The following RNF144B variants were observed in gnomAD, a reference collection of about 807,000 sequenced individuals.
RNF144B encodes the protein ring finger protein 144B.
In RNF144B, 25 loss-of-function variants were observed where a neutral mutation model predicts 40.2. That is an observed-to-expected ratio of 0.62 (90% confidence interval 0.45 to 0.87). The LOEUF (loss-of-function observed/expected upper bound fraction) is 0.87, where lower values mean the gene tolerates loss of function less well. Among genes scored for constraint, RNF144B ranks in the 40% least tolerant of loss-of-function variants. The pLI is 0.00. For synonymous variants in RNF144B, 145 were observed against 136.3 expected (o/e 1.06, Z -0.44); for missense variants, 365 against 373.7 (o/e 0.98, Z 0.19).
At chr6:18,396,329 T>C (rs1562039016) in intron 1 of RNF144B, 2 of 880,140 alleles carry the variant, frequency 2.3e-6, no homozygotes, top group Non-Finnish European at 2.7e-6. Context: ...TTCAAGAGTA[T>C]CCAATTAATT....
rs1231883106 is a variant in RNF144B, at chr6:18,395,086, C to T, written c.-36-4413C>T. Among the ~76,000 whole-genome samples the T allele has an allele frequency of 6.6e-6, 1 of 152,236 alleles. No individual in the cohort carries two copies. The highest frequency in any genetic ancestry group is 2.4e-5 in the African/African-American group (1 of 41,460). ...AATTCTTTTCACAAGGGGTTCTTGA[C>T]ACTCGGTGAGAGGCACAGTCACATC... is the stretch of plus-strand genomic sequence containing the variant. On this transcript the variant is annotated intron_variant, in intron 1 of 7. Transcript: ENST00000259939. This position sits in a 1 kb window ranked among gnomAD's most constrained non-coding sequence, Gnocchi z 4.5.
rs1312266016 is a variant in RNF144B, at chr6:18,444,982, T to C, written c.331+5238T>C. Among the ~76,000 whole-genome samples, 1 of 152,196 alleles carries C rather than the reference T, an allele frequency of 6.6e-6. No individual in the cohort carries two copies. The highest frequency in any genetic ancestry group is 1.9e-4 in the East Asian group (1 of 5,194). ...TTTGTATCTGATCATAAAGGTTTTATTCCATCAGAGCTCCCTATGTAGTTA... is the reference window on the plus strand; with the variant it reads ...TTTGTATCTGATCATAAAGGTTTTACTCCATCAGAGCTCCCTATGTAGTTA... On this transcript the variant is annotated intron_variant, in intron 4 of 7. Coordinates refer to ENST00000259939, the MANE Select transcript of RNF144B (RefSeq NM_182757.4). The surrounding 1 kb of genome is among the most constrained non-coding windows in gnomAD (Gnocchi z 4.3).
chr6:18,457,393 A>C lies in RNF144B; in HGVS notation c.536+34A>C, dbSNP rs773790530. On this transcript the variant is annotated intron_variant, in intron 5 of 7. Transcript: ENST00000259939. This position sits in a 1 kb window ranked among gnomAD's most constrained non-coding sequence, Gnocchi z 5.1. ...GGAAACTTTGTCTTTGGGATTATTC[A>C]CTAGTTTTCTTAGAAATTCAACATA... 6.6e-7 allele frequency: 1 copy of C among 1,521,128 alleles called. No individual in the cohort carries two copies. The highest frequency in any genetic ancestry group is 1.7e-5 in the Admixed American group (1 of 59,828). 94.2% of individuals were successfully genotyped at this position (1,521,128 alleles called of 1,614,324 possible).
In RNF144B at chr6:18,405,609, A is replaced by G. The variant is rs1020716922; in HGVS notation, c.165+5910A>G. ...CATTAAGAGATTTAATGACAATACT[A>G]TGGTGACTTTTGTATTTATTGGTCA... On this transcript the variant is annotated intron_variant, in intron 2 of 7. Coordinates refer to ENST00000259939, the MANE Select transcript of RNF144B (RefSeq NM_182757.4). This position sits in a 1 kb window ranked among gnomAD's most constrained non-coding sequence, Gnocchi z 4.5. Among the ~76,000 whole-genome samples the G allele has an allele frequency of 2.6e-5, 4 of 152,320 alleles. No homozygotes were observed. The highest frequency in any genetic ancestry group is 6.5e-5 in the Admixed American group (1 of 15,298).
chr6:18,397,140 A>G (rs1212363000), intron 1 of RNF144B, among the ~76,000 whole-genome samples: 2 of 152,340 alleles, frequency 1.3e-5, no homozygotes, highest in East Asian at 1.9e-4. Context: ...GTAATCGTTG[A>G]CTTTCTGGTA....
Position 18,400,312 on chromosome 6 carries a change from C to G in RNF144B, c.165+613C>G, listed in dbSNP as rs6922795. 0.41 allele frequency among the ~76,000 whole-genome samples: 62,029 copies of G among 151,596 alleles called. 12,865 individuals are homozygous for G. The highest frequency in any genetic ancestry group is 0.52 in the South Asian group (2,489 of 4,802). The stretch of plus-strand genomic sequence containing the variant: ...AAATTTAACATGCTGTAGTTAACTA[C>G]CACCTATAAGAAACTCACCAGGTAT... On this transcript the variant is annotated intron_variant, in intron 2 of 7. Transcript: ENST00000259939. This position sits in a 1 kb window ranked among gnomAD's most constrained non-coding sequence, Gnocchi z 5.6.
chr6:18,399,026 A>G (rs927871699), intron 1 of RNF144B, among the ~76,000 whole-genome samples: 1 of 152,220 alleles, frequency 6.6e-6, no homozygotes, highest in Non-Finnish European at 1.5e-5. Flanking sequence ...CTCTATGTAT[A>G]TAAATGCTTA....
intron 4 of RNF144B, among the ~76,000 whole-genome samples, chr6:18,454,422 A>T (rs903453755): frequency 2.0e-5 from 3 of 152,220 alleles, no homozygotes; most frequent in Non-Finnish European, 4.4e-5. Context: ...TCCTTTTTGG[A>T]TAGAGTCAAA....
chr6:18,462,763 T>C (rs1487982203), intron 6 of RNF144B, among the ~76,000 whole-genome samples: 2 of 152,142 alleles, frequency 1.3e-5, no homozygotes, highest in African/African-American at 4.8e-5. Context: ...TCCAAACTTA[T>C]CTTCCCAACA....
At position 18,434,371 on chromosome 6, in the gene RNF144B, G is replaced by GGTAA. The variant is rs1396994481; in HGVS notation, c.271-5311_271-5308dup. The stretch of plus-strand genomic sequence containing the variant: ...TTTGCTTTGTTTTTTTCTGAGAGGG[G>GGTAA]GTAAGGTCAGTGTTAGTGTAGATGG... On this transcript the variant is annotated intron_variant, in intron 3 of 7. Coordinates refer to ENST00000259939, the MANE Select transcript of RNF144B (RefSeq NM_182757.4). This position sits in a 1 kb window ranked among gnomAD's most constrained non-coding sequence, Gnocchi z 4.1. Among the ~76,000 whole-genome samples, 1 of 152,052 alleles carries GGTAA rather than the reference G, an allele frequency of 6.6e-6. No homozygotes were observed. Among genetic ancestry groups the GGTAA allele is most frequent in the Non-Finnish European group, 1.5e-5 (1 of 68,036 alleles).
In RNF144B at chr6:18,418,514, G is replaced by C. The variant is rs1019679070; in HGVS notation, c.166-9067G>C. Among the ~76,000 whole-genome samples the C allele has an allele frequency of 6.6e-6, 1 of 152,138 alleles. No individual in the cohort carries two copies. The highest frequency in any genetic ancestry group is 2.4e-5 in the African/African-American group (1 of 41,450). ...CCATTTATATGAAATGTAGAGAGTA[G>C]GAAGATCTATACATACAGAAAGTCA... On this transcript the variant is annotated intron_variant, in intron 2 of 7. Transcript: ENST00000259939. This position sits in a 1 kb window ranked among gnomAD's most constrained non-coding sequence, Gnocchi z 5.2.
At chr6:18,463,225 G>A (rs949248043) in intron 6 of RNF144B, 66 bp from the exon 7 acceptor site, 2 of 1,024,066 alleles carry the variant, frequency 2.0e-6, no homozygotes, top group African/African-American at 3.1e-5. Flanking sequence ...GTGATCTGAT[G>A]TGGTCTGTAT....
chr6:18,444,392 A>G lies in RNF144B; in HGVS notation c.331+4648A>G, dbSNP rs1302831277. 1.3e-5 allele frequency among the ~76,000 whole-genome samples: 2 copies of G among 152,182 alleles called. No individual in the cohort carries two copies. Among genetic ancestry groups the G allele is most frequent in the African/African-American group, 2.4e-5 (1 of 41,456 alleles). On this transcript the variant is annotated intron_variant, in intron 4 of 7. Transcript: ENST00000259939. The surrounding 1 kb of genome is among the most constrained non-coding windows in gnomAD (Gnocchi z 4.3). ...ACTGCTTTACTTTCCAGTGGTTCTC[A>G]AAGTACATGCCCGATGATTAATGCA...
At position 18,462,662 on chromosome 6, in the gene RNF144B, G is replaced by GTT. The variant is rs5874643; in HGVS notation, c.682-617_682-616dup. 1.9e-3 allele frequency among the ~76,000 whole-genome samples: 279 copies of GTT among 146,454 alleles called. 1 individual carries two copies. Among genetic ancestry groups the GTT allele is most frequent in the East Asian group, 3.2e-3 (16 of 4,964 alleles). On this transcript the variant is annotated intron_variant, in intron 6 of 7. Coordinates refer to ENST00000259939, the MANE Select transcript of RNF144B (RefSeq NM_182757.4). ...AGCTAGTTTCTCTGCTGAGGTCCAA[G>GTT]TTTTTTTTTTTTTCAGTGTAGATCT... is the stretch of plus-strand genomic sequence containing the variant.
In RNF144B at chr6:18,412,724, TC is replaced by T. The variant is rs755817497; in HGVS notation, c.165+13026del. Among the ~76,000 whole-genome samples the T allele has an allele frequency of 5.3e-5, 8 of 152,196 alleles. No individual in the cohort carries two copies. The highest frequency in any genetic ancestry group is 1.9e-4 in the East Asian group (1 of 5,190). On this transcript the variant is annotated intron_variant, in intron 2 of 7. Transcript: ENST00000259939. The surrounding 1 kb of genome is among the most constrained non-coding windows in gnomAD (Gnocchi z 4.2). Reference sequence around the variant, plus strand: ...TTAAAGATTGGTTATATAAGGCTTATCTATGTGGATTCCAGATATGCAGTGT... The same window carrying T: ...TTAAAGATTGGTTATATAAGGCTTATTATGTGGATTCCAGATATGCAGTGT...
intron 4 of RNF144B, among the ~76,000 whole-genome samples, chr6:18,440,790 G>T (rs1380200519): frequency 1.7e-5 from 2 of 116,616 alleles, no homozygotes; most frequent in East Asian, 3.5e-4. Flanking sequence ...CTTTGTTTTT[G>T]TGGTGTTTTT....
chr6:18,438,558 T>G (rs1399914752), intron 3 of RNF144B, among the ~76,000 whole-genome samples: 1 of 152,162 alleles, frequency 6.6e-6, no homozygotes, highest in Non-Finnish European at 1.5e-5. Flanking sequence ...TAATTTAGAT[T>G]CATTTGCGAA....
intron 2 of RNF144B, among the ~76,000 whole-genome samples, chr6:18,421,315 C>CACACAT (rs1554176693): frequency 1.4e-5 from 2 of 142,508 alleles, no homozygotes; most frequent in African/African-American, 5.3e-5. Context: ...CACACACACA[C>CACACAT]ATATATATAA....
intron 1 of RNF144B, among the ~76,000 whole-genome samples, chr6:18,390,431 A>G (rs1349561927): frequency 6.6e-6 from 1 of 152,258 alleles, no homozygotes; most frequent in African/African-American, 2.4e-5. Context: ...TAAATGAGTA[A>G]AAATGACCAA....
Sources: allele counts gnomAD v4.1 joint callset (sites outside exome capture counted in the v4.1 genomes callset), GRCh38; gene constraint gnomAD v4.1.1; non-coding constraint Gnocchi (gnomAD v3.1); transcripts MANE v1.5; gene names NCBI Gene and HGNC (gene_info 2026-07-23, HGNC 2026-07-21).